GGA3: variants seen among roughly 807,000 people sequenced by gnomAD.
GGA3 encodes ADP-ribosylation factor-binding protein GGA3.
A neutral mutation model predicts 77.5 loss-of-function variants in GGA3; 57 were observed. That is an observed-to-expected ratio of 0.74 (90% CI 0.59 to 0.92). The LOEUF (loss-of-function observed/expected upper bound fraction) is 0.92, where lower values mean the gene tolerates loss of function less well. GGA3 is among the 40% of genes least tolerant of loss of function. The pLI is 0.00. For missense variants in GGA3, 970 were observed against 914.9 expected (o/e 1.06, Z -0.78); for synonymous variants, 416 against 383.7 (o/e 1.08, Z -0.98).
Position 75,237,208 on chromosome 17 carries a change from G to A in GGA3, c.*1071C>T, listed in dbSNP as rs1336994951. 1.7e-6 allele frequency: 1 copy of A among 574,120 alleles called. No homozygotes were observed. The highest frequency in any genetic ancestry group is 3.1e-6 in the Non-Finnish European group (1 of 320,352). The allele number at this position is 574,120 out of a possible 1,614,324, so 35.6% of individuals were successfully genotyped here. On this transcript the variant is annotated 3_prime_UTR_variant, in exon 17 of 17. Transcript: ENST00000537686. ...GGTCTGGTGACTCAGCTCAAGTGTG[G>A]CCCGATCTCATCACCTCCAGACCCA...
intron 1 of GGA3, among the ~76,000 whole-genome samples, chr17:75,249,847 T>C (rs1272231485): frequency 1.3e-5 from 2 of 152,166 alleles, no homozygotes; most frequent in Admixed American, 1.3e-4. Context: ...TCTTCCCAAG[T>C]CTATTAGACT....
Position 75,261,599 on chromosome 17 carries a change from C to T in GGA3, c.-12G>A, listed in dbSNP as rs1216526709. ...TCCGCCTCCGCCATATTGCAGCCGC[C>T]CGGCCCCGCGGCTTCAAAACTCGCG... is the stretch of plus-strand genomic sequence containing the variant. On this transcript the variant is annotated 5_prime_UTR_variant, in exon 1 of 17. Transcript: ENST00000537686. 1 of 1,544,268 alleles carries T rather than the reference C, an allele frequency of 6.5e-7. No individual in the cohort carries two copies. The highest frequency in any genetic ancestry group is 2.0e-5 in the Admixed American group (1 of 49,180).
chr17:75,258,097 T>C (rs1039147308), intron 1 of GGA3, among the ~76,000 whole-genome samples: 1 of 152,158 alleles, frequency 6.6e-6, no homozygotes, highest in Non-Finnish European at 1.5e-5. Flanking sequence ...GTGAGATCCA[T>C]CCCTGCCCGC....
chr17:75,241,218 G>A (rs1487853457), intron 10 of GGA3, among the ~76,000 whole-genome samples, 161 bp from the exon 11 acceptor site: 1 of 152,196 alleles, frequency 6.6e-6, no homozygotes, highest in Non-Finnish European at 1.5e-5. Context: ...GAGAAAGCAG[G>A]TGGGGAAATT....
At position 75,239,841 on chromosome 17, in the gene GGA3, T is replaced by C. The variant is rs755674943; in HGVS notation, c.1531A>G (p.Ser511Gly). The C allele has an allele frequency of 1.9e-6, 3 of 1,613,988 alleles. No homozygotes were observed. The highest frequency in any genetic ancestry group is 1.1e-5 in the South Asian group (1 of 91,088). The change falls in exon 13 of 17, where the codon AGC (serine) becomes GGC (glycine). Residue 511 changes from serine to glycine, a missense_variant. Coordinates refer to ENST00000537686, the MANE Select transcript of GGA3 (RefSeq NM_138619.4). ...AGGGCATCCAGGTGGTGCAGCGCGC[T>C]GTTGCCCAACGCCAAGCCATGGTGC... ...PGHHGLALGN[S>G]ALHHLDALDQ...
chr17:75,256,693 C>G (rs2077162954), intron 1 of GGA3, among the ~76,000 whole-genome samples: 1 of 152,118 alleles, frequency 6.6e-6, no homozygotes, highest in Admixed American at 6.6e-5. Context: ...TCTCAGTGTT[C>G]CATCTGCTAT....
chr17:75,258,780 C>T (rs928131216), intron 1 of GGA3, among the ~76,000 whole-genome samples: 1 of 151,382 alleles, frequency 6.6e-6, no homozygotes, highest in African/African-American at 2.4e-5. Flanking sequence ...ACCTCTGTTA[C>T]TGTGTGCCCC....
At chr17:75,248,488 A>AAAAAAAAAAAAAG (rs1308157572) in intron 1 of GGA3, among the ~76,000 whole-genome samples, 2 of 138,898 alleles carry the variant, frequency 1.4e-5, no homozygotes, top group African/African-American at 5.2e-5. Context: ...AAAAAAAAAA[A>AAAAAAAAAAAAAG]AAAAAATCAC....
At chr17:75,258,011 G>C (rs1407476815) in intron 1 of GGA3, among the ~76,000 whole-genome samples, 3 of 152,002 alleles carry the variant, frequency 2.0e-5, no homozygotes, top group African/African-American at 4.8e-5. Flanking sequence ...CACCCTAACT[G>C]ATCAATGTAC....
chr17:75,240,135 C>T, intron 12 of GGA3, 27 bp from the exon 13 acceptor site: 1 of 1,405,990 alleles, frequency 7.1e-7, no homozygotes. Flanking sequence ...GGGTGGTGAG[C>T]CGAGGGCGGG....
At chr17:75,255,933 T>C (rs58952688) in intron 1 of GGA3, among the ~76,000 whole-genome samples, 16,979 of 149,388 alleles carry the variant, frequency 0.11, 2,646 homozygotes, top group African/African-American at 0.36. Flanking sequence ...GCTGTACTGC[T>C]GCAAGGCTTC....
chr17:75,259,127 G>C (rs567847342), intron 1 of GGA3, among the ~76,000 whole-genome samples: 1 of 151,848 alleles, frequency 6.6e-6, no homozygotes, highest in African/African-American at 2.4e-5. Flanking sequence ...CTATTTTTTT[G>C]TATTTTTTAG....
intron 1 of GGA3, among the ~76,000 whole-genome samples, chr17:75,253,283 C>T (rs1327282071): frequency 6.6e-6 from 1 of 152,232 alleles, no homozygotes; most frequent in Non-Finnish European, 1.5e-5. Context: ...CAATCTCTCC[C>T]TTCTCTTAAT....
Position 75,241,084 on chromosome 17 carries a change from G to C in GGA3, c.947-27C>G, listed in dbSNP as rs753423371. 4 of 1,613,728 alleles carry C rather than the reference G, an allele frequency of 2.5e-6. No individual in the cohort carries two copies. The South Asian group carries it at 4.4e-5, about 18-fold the overall frequency. Reference sequence around the variant, plus strand: ...TGGATGGGTCAACAGAGCAGAACAGGAATAATTAGGGGTCTTCTAGTGGCT... The same window carrying C: ...TGGATGGGTCAACAGAGCAGAACAGCAATAATTAGGGGTCTTCTAGTGGCT... On this transcript the variant is annotated intron_variant, in intron 10 of 16. Coordinates refer to ENST00000537686, the MANE Select transcript of GGA3 (RefSeq NM_138619.4).
Position 75,238,749 on chromosome 17 carries a change from T to C in GGA3, c.1964A>G (p.Lys655Arg), listed in dbSNP as rs2076410454. Reference sequence around the variant, plus strand: ...TTCTGTCCCAGAAGGTGGCTGCAACTTCACTTTCATTGACTAAAGAGAGAG... The same window carrying C: ...TTCTGTCCCAGAAGGTGGCTGCAACCTCACTTTCATTGACTAAAGAGAGAG... ...QAAVPKSMKV[K>R]LQPPSGTELS... Residue 655 changes from lysine (K) to arginine (R), a missense_variant, in exon 16 of 17, where the codon AAG becomes AGG. Transcript: ENST00000537686. 1 of 1,613,098 alleles carries C rather than the reference T, an allele frequency of 6.2e-7. No individual in the cohort carries two copies. Among genetic ancestry groups the C allele is most frequent in the Non-Finnish European group, 8.5e-7 (1 of 1,179,310 alleles).
chr17:75,256,410 G>A (rs12600738), intron 1 of GGA3, among the ~76,000 whole-genome samples: 22,609 of 151,740 alleles, frequency 0.15, 2,699 homozygotes, highest in East Asian at 0.55. Context: ...TTCCTGGCCC[G>A]GACCTCAATC....
At chr17:75,251,074 C>T (rs2076950301) in intron 1 of GGA3, among the ~76,000 whole-genome samples, 1 of 151,918 alleles carries the variant, frequency 6.6e-6, no homozygotes, top group Admixed American at 6.6e-5. Context: ...GAGTGAGGCT[C>T]CATCTCCAAA....
At chr17:75,239,755 C>T (rs369251703) in intron 13 of GGA3, 34 bp downstream of exon 13, 14 of 1,608,368 alleles carry the variant, frequency 8.7e-6, no homozygotes, top group Non-Finnish European at 1.1e-5. Context: ...CAGGCCCAAC[C>T]CTCAGCAACC....
Position 75,237,217 on chromosome 17 carries a change from C to T in GGA3, c.*1062G>A, listed in dbSNP as rs750766183. 3 of 583,080 alleles carry T rather than the reference C, an allele frequency of 5.1e-6. No homozygotes were observed. Among genetic ancestry groups the T allele is most frequent in the African/African-American group, 3.7e-5 (2 of 53,556 alleles). The allele number at this position is 583,080 out of a possible 1,614,324, so 36.1% of individuals were successfully genotyped here. The stretch of plus-strand genomic sequence containing the variant: ...ACTCAGCTCAAGTGTGGCCCGATCT[C>T]ATCACCTCCAGACCCAACATCTCGC... On this transcript the variant is annotated 3_prime_UTR_variant, in exon 17 of 17. Transcript: ENST00000537686.
Sources: allele counts gnomAD v4.1 joint callset (sites outside exome capture counted in the v4.1 genomes callset), GRCh38; gene constraint gnomAD v4.1.1; transcripts MANE v1.5; gene names NCBI Gene and HGNC (gene_info 2026-07-23, HGNC 2026-07-21).